ESRRG: variants seen among roughly 807,000 people sequenced by gnomAD.
The protein encoded by ESRRG is estrogen related receptor gamma, also known as estrogen-related receptor gamma.
Under a neutral mutation model 44.0 loss-of-function variants are expected in ESRRG, and 13 were observed. The observed-to-expected ratio is 0.30, with a 90% CI of 0.19 to 0.47. The LOEUF (loss-of-function observed/expected upper bound fraction) is 0.47, where lower values mean the gene tolerates loss of function less well. Ranked by LOEUF, ESRRG falls within the 20% of genes least tolerant of loss-of-function variation. The probability of loss-of-function intolerance (pLI) is 1.00; values close to 1 mark genes in which losing one functional copy is unlikely to be tolerated. For synonymous variants in ESRRG, 215 were observed against 214.6 expected, an observed-to-expected ratio of 1.00 and a Z score of -0.02; for missense variants, 395 against 580.6, an observed-to-expected ratio of 0.68 and a Z score of 3.29.
chr1:216,992,734 C>T (rs1267213229), intron 1 of ESRRG, among the ~76,000 whole-genome samples: 1 of 152,184 alleles, frequency 6.6e-6, no homozygotes, highest in Non-Finnish European at 1.5e-5. Context: ...TAATACTTTA[C>T]AGATTCCCAA....
chr1:217,037,746 C>T (rs189323500), intron 1 of ESRRG, among the ~76,000 whole-genome samples: 3 of 152,260 alleles, frequency 2.0e-5, no homozygotes, highest in Admixed American at 6.5e-5. Flanking sequence ...CAAAGCAAGT[C>T]CCTTCCACCA....
chr1:217,088,826 A>G (rs918673393), intron 1 of ESRRG, among the ~76,000 whole-genome samples: 1 of 152,030 alleles, frequency 6.6e-6, no homozygotes, highest in African/African-American at 2.4e-5. Flanking sequence ...CCCATCACCA[A>G]ACAAGGGGTG....
At chr1:216,928,673 T>G (rs2062909044) in intron 2 of ESRRG, among the ~76,000 whole-genome samples, 1 of 152,156 alleles carries the variant, frequency 6.6e-6, no homozygotes, top group Non-Finnish European at 1.5e-5. Context: ...TATTTTAGGA[T>G]TTAAAACAAT....
intron 1 of ESRRG, among the ~76,000 whole-genome samples, chr1:216,978,539 A>C (rs182404246): frequency 1.1e-4 from 17 of 152,298 alleles, no homozygotes; most frequent in African/African-American, 4.1e-4. Flanking sequence ...TCTCCCGGAC[A>C]CTGTGGCCTC....
intron 2 of ESRRG, among the ~76,000 whole-genome samples, chr1:216,765,180 C>A (rs1164999837): frequency 6.6e-6 from 1 of 151,978 alleles, no homozygotes; most frequent in Non-Finnish European, 1.5e-5. Flanking sequence ...CCTGGAGGGG[C>A]AGGTGGAAGA....
At chr1:216,746,515 C>A (rs1263782736) in intron 2 of ESRRG, among the ~76,000 whole-genome samples, 1 of 152,088 alleles carries the variant, frequency 6.6e-6, no homozygotes, top group Non-Finnish European at 1.5e-5. Context: ...TAAAAGAATT[C>A]TTTGCTTAAA....
chr1:216,533,367 T>C (rs184956143), intron 5 of ESRRG, among the ~76,000 whole-genome samples: 1 of 152,102 alleles, frequency 6.6e-6, no homozygotes, highest in African/African-American at 2.4e-5. Context: ...CTGTCAAAAC[T>C]GTAGAGATCT....
chr1:216,812,930 G>A (rs568062532), intron 2 of ESRRG, among the ~76,000 whole-genome samples: 2 of 152,154 alleles, frequency 1.3e-5, no homozygotes, highest in African/African-American at 4.8e-5. Flanking sequence ...GACAGAAGGG[G>A]TTCCATATAC....
At chr1:216,681,950 G>GCA (rs2077105952) in intron 1 of ESRRG, 1 of 152,188 alleles carries the variant, frequency 6.6e-6, no homozygotes, top group Non-Finnish European at 1.5e-5. Flanking sequence ...ATTCCCACAT[G>GCA]CACGTGCTGA....
At chr1:217,120,656 C>G (rs1460709051) in intron 1 of ESRRG, among the ~76,000 whole-genome samples, 1 of 152,138 alleles carries the variant, frequency 6.6e-6, no homozygotes, top group Non-Finnish European at 1.5e-5. Context: ...TTATTCAACC[C>G]TTTCATACAT....
At chr1:216,854,038 T>G (rs1364519334) in intron 2 of ESRRG, among the ~76,000 whole-genome samples, 1 of 152,132 alleles carries the variant, frequency 6.6e-6, no homozygotes, top group African/African-American at 2.4e-5. Flanking sequence ...TAGGCTCAGC[T>G]GGCTGCTTCT....
At chr1:216,533,601 T>C (rs2050051334) in intron 5 of ESRRG, among the ~76,000 whole-genome samples, 1 of 152,138 alleles carries the variant, frequency 6.6e-6, no homozygotes, top group Non-Finnish European at 1.5e-5. Flanking sequence ...GATCCTTAGC[T>C]GCCTCTTTTA....
At position 216,663,010 on chromosome 1, in the gene ESRRG, C is replaced by T. The variant is rs1048091081; in HGVS notation, c.473-11921G>A. ...CTATTATCCATTATTTCCTTTCTTG[C>T]TCACGACTCTGTAAGGTAGTTTCCC... On this transcript the variant is annotated intron_variant, in intron 2 of 6. Transcript: ENST00000408911. Among the ~76,000 whole-genome samples the T allele has an allele frequency of 5.3e-5, 8 of 152,202 alleles. 1 individual carries two copies. The highest frequency in any genetic ancestry group is 4.6e-4 in the Admixed American group (7 of 15,260).
intron 5 of ESRRG, among the ~76,000 whole-genome samples, chr1:216,533,132 A>ATGTGTAAATGCACATCCATG (rs1205247476): frequency 9.9e-5 from 15 of 152,122 alleles, no homozygotes; most frequent in African/African-American, 3.6e-4. Flanking sequence ...TATAATTTGT[A>ATGTGTAAATGCACATCCATG]TGTGTAAATG....
intron 2 of ESRRG, among the ~76,000 whole-genome samples, chr1:216,934,320 C>T (rs914529879): frequency 6.6e-6 from 1 of 152,020 alleles, no homozygotes; most frequent in African/African-American, 2.4e-5. Flanking sequence ...TATAATACCA[C>T]CTACTTGGGA....
At chr1:216,723,635 T>C (rs2086874159), upstream of ESRRG, among the ~76,000 whole-genome samples, 1 of 152,012 alleles carries the variant, frequency 6.6e-6, no homozygotes, top group East Asian at 1.9e-4. Context: ...GGCTGGAAAC[T>C]GAGAGTGGGC....
chr1:216,548,431 C>T (rs930552013), intron 5 of ESRRG, among the ~76,000 whole-genome samples: 24 of 152,018 alleles, frequency 1.6e-4, no homozygotes, highest in African/African-American at 4.6e-4. Flanking sequence ...GCTCTTTCTT[C>T]GATGAATGAT....
intron 1 of ESRRG, among the ~76,000 whole-genome samples, chr1:217,030,482 G>A (rs2081918507): frequency 6.6e-6 from 1 of 152,174 alleles, no homozygotes; most frequent in African/African-American, 2.4e-5. Context: ...AGAAATCTGA[G>A]TTATAGTATG....
Position 217,007,303 on chromosome 1 carries a change from T to A in ESRRG, c.-105-67630A>T, listed in dbSNP as rs185336673. ...GGCCAGTGCCAACACCATCACCATA[T>A]GGTTCCAGGCTAAAATTTTAAAATA... On this transcript the variant is annotated intron_variant, in intron 1 of 7. Transcript: ENST00000359162. 2.2e-3 allele frequency among the ~76,000 whole-genome samples: 328 copies of A among 152,290 alleles called. 1 individual carries two copies. Among genetic ancestry groups the A allele is most frequent in the Admixed American group, 7.3e-3 (111 of 15,290 alleles).
Sources: allele counts gnomAD v4.1 joint callset (sites outside exome capture counted in the v4.1 genomes callset), GRCh38; gene constraint gnomAD v4.1.1; transcripts MANE v1.5; gene names NCBI Gene and HGNC (gene_info 2026-07-23, HGNC 2026-07-21).